Variants in SLIT2 observed in about 807,000 individuals in gnomAD.
The protein encoded by SLIT2 is slit guidance ligand 2.
Under a neutral mutation model 185.7 loss-of-function variants are expected in SLIT2, and 41 were observed. That is an observed-to-expected ratio of 0.22 (90% CI 0.17 to 0.29). The LOEUF (loss-of-function observed/expected upper bound fraction) is 0.29, where lower values mean the gene tolerates loss of function less well. Among genes scored for constraint, SLIT2 ranks in the 10% least tolerant of loss-of-function variants. SLIT2 has a pLI of 1.00. For synonymous variants in SLIT2, 693 were observed against 680.2 expected, an observed-to-expected ratio of 1.02 and a Z score of -0.29; for missense variants, 1,571 against 1,909.0, an observed-to-expected ratio of 0.82 and a Z score of 3.30.
intron 3 of SLIT2, among the ~76,000 whole-genome samples, chr4:20,259,913 A>C (rs756089096): frequency 6.6e-6 from 1 of 151,796 alleles, no homozygotes; most frequent in South Asian, 2.1e-4. Context: ...ACAACTGCCA[A>C]ATCCATCTGA....
At chr4:20,423,770 A>G (rs1198408494) in intron 4 of SLIT2, among the ~76,000 whole-genome samples, 3 of 152,160 alleles carry the variant, frequency 2.0e-5, no homozygotes, top group Non-Finnish European at 4.4e-5. Context: ...ATATGTTAAA[A>G]TTATCTTTAT....
At position 20,253,965 on chromosome 4, in the gene SLIT2, C is replaced by G. The variant is rs550290192; in HGVS notation, c.150C>G (p.Pro50=). ...DCHGLALRSV[P]RNIPRNTERL... is the part of the protein sequence containing the mutation. ...ACGGGCTGGCGCTGCGCAGCGTGCCCAGGAATATCCCCCGCAACACCGAGA... is the reference window on the plus strand; with the variant it reads ...ACGGGCTGGCGCTGCGCAGCGTGCCGAGGAATATCCCCCGCAACACCGAGA... The change falls in exon 1 of 37, where the codon CCC becomes CCG. Residue 50 remains proline, a synonymous_variant. Coordinates refer to ENST00000504154, the MANE Select transcript of SLIT2 (RefSeq NM_004787.4). 2 of 1,603,094 alleles carry G rather than the reference C, an allele frequency of 1.2e-6. No individual in the cohort carries two copies. The highest frequency in any genetic ancestry group is 3.3e-4 in the Middle Eastern group (2 of 6,056).
chr4:20,287,562 G>A (rs902295257), intron 4 of SLIT2, among the ~76,000 whole-genome samples: 1 of 152,234 alleles, frequency 6.6e-6, no homozygotes. Context: ...CTTTTTTGTT[G>A]ATGGAAAGAC....
At chr4:20,423,935 G>A (rs573391262) in intron 4 of SLIT2, among the ~76,000 whole-genome samples, 1 of 152,094 alleles carries the variant, frequency 6.6e-6, no homozygotes, top group South Asian at 2.1e-4. Flanking sequence ...CTTGATATAC[G>A]AATTTCATAT....
intron 4 of SLIT2, among the ~76,000 whole-genome samples, chr4:20,421,447 A>G (rs541201630): frequency 2.3e-4 from 35 of 152,252 alleles, no homozygotes; most frequent in Non-Finnish European, 4.4e-4. Context: ...TCTCTTCTTC[A>G]TTGTTGATTT....
At chr4:20,281,381 T>C (rs932031635) in intron 4 of SLIT2, among the ~76,000 whole-genome samples, 2 of 152,236 alleles carry the variant, frequency 1.3e-5, no homozygotes, top group African/African-American at 4.8e-5. Context: ...TAATTTTTTT[T>C]GTAATAGGTT....
rs185071386 is a variant in SLIT2 at position 20,504,084 on chromosome 4, G to A, written c.915-6411G>A. On this transcript the variant is annotated intron_variant, in intron 9 of 36. Coordinates refer to ENST00000504154, the MANE Select transcript of SLIT2 (RefSeq NM_004787.4). ...AAAGATTTTAATGACATGATTTACT[G>A]CTAAAGTTGGAAGTAGCATTCCAAA... 6.5e-4 allele frequency among the ~76,000 whole-genome samples: 99 copies of A among 152,210 alleles called. 1 individual carries two copies. The highest frequency in any genetic ancestry group is 1.5e-4 in the Non-Finnish European group (10 of 68,006).
rs1210048670 is a variant in SLIT2 at position 20,472,540 on chromosome 4, CTATATCTA to C, written c.467+4723_467+4730del. 7.4e-4 allele frequency among the ~76,000 whole-genome samples: 7 copies of C among 9,494 alleles called. 3 individuals carry two copies. Among genetic ancestry groups the C allele is most frequent in the African/African-American group, 1.3e-3 (2 of 1,492 alleles). 6.2% of individuals were successfully genotyped at this position (9,494 alleles called of 152,430 possible). A position where few individuals can be genotyped will look rare whatever the true frequency, so the allele number is the denominator to read the frequency against. ...GATATATATCTATATATAGATATAT[CTATATCTA>C]TATATAGATATATATCTATATATAG... On this transcript the variant is annotated intron_variant, in intron 5 of 36. Transcript: ENST00000504154.
At chr4:20,472,850 A>T (rs550774629) in intron 5 of SLIT2, among the ~76,000 whole-genome samples, 1 of 151,116 alleles carries the variant, frequency 6.6e-6, no homozygotes. Flanking sequence ...AACTAATAGT[A>T]CTTAGTAAGT....
intron 4 of SLIT2, among the ~76,000 whole-genome samples, chr4:20,390,760 T>A (rs1399888650): frequency 2.6e-5 from 2 of 76,264 alleles, no homozygotes; most frequent in African/African-American, 6.9e-5. Context: ...AAAGATCTTA[T>A]TTTTTTTTTT....
intron 11 of SLIT2, among the ~76,000 whole-genome samples, chr4:20,512,742 C>G (rs1161873463): frequency 1.3e-5 from 2 of 152,090 alleles, no homozygotes; most frequent in African/African-American, 4.8e-5. Context: ...TCCTGATTCT[C>G]CACAATTTTG....
At chr4:20,551,007 G>C in intron 25 of SLIT2, 109 bp downstream of exon 25, 1 of 559,968 alleles carries the variant, frequency 1.8e-6, no homozygotes, top group African/African-American at 1.9e-5. Flanking sequence ...GATGTAATTG[G>C]TTTCATCTTT....
At chr4:20,412,180 A>G (rs1420477503) in intron 4 of SLIT2, among the ~76,000 whole-genome samples, 3 of 151,786 alleles carry the variant, frequency 2.0e-5, no homozygotes, top group Non-Finnish European at 4.4e-5. Context: ...GGTCAAAAAG[A>G]TGGTCATTTT....
At chr4:20,479,891 T>C (rs1716515720) in intron 5 of SLIT2, among the ~76,000 whole-genome samples, 1 of 152,190 alleles carries the variant, frequency 6.6e-6, no homozygotes, top group South Asian at 2.1e-4. Context: ...TTACCATAGA[T>C]ACATGTAGTG....
rs140931186 is a variant in SLIT2 at position 20,568,553 on chromosome 4, G to C, written c.2949-312G>C. 8.0e-3 allele frequency among the ~76,000 whole-genome samples: 1,221 copies of C among 152,092 alleles called. 17 individuals are homozygous for C. Among genetic ancestry groups the C allele is most frequent in the African/African-American group, 0.028 (1,157 of 41,526 alleles). ...GCACAACTCAAGATTAAGATATCTA[G>C]GGCTGTGGAATAAAACTGCTTGTGT... On this transcript the variant is annotated intron_variant, in intron 28 of 36. Coordinates refer to ENST00000504154, the MANE Select transcript of SLIT2 (RefSeq NM_004787.4).
chr4:20,420,248 T>G (rs1163804224), intron 4 of SLIT2, among the ~76,000 whole-genome samples: 1 of 152,166 alleles, frequency 6.6e-6, no homozygotes, highest in East Asian at 1.9e-4. Flanking sequence ...TGTGAGTACA[T>G]GACTGACCCA....
At chr4:20,267,449 G>A (rs1713151603) in intron 3 of SLIT2, among the ~76,000 whole-genome samples, 1 of 151,918 alleles carries the variant, frequency 6.6e-6, no homozygotes, top group East Asian at 1.9e-4. Context: ...TTCACATAAA[G>A]TTATGGTGCC....
chr4:20,498,638 G>A (rs931119810), intron 9 of SLIT2, among the ~76,000 whole-genome samples: 2 of 152,146 alleles, frequency 1.3e-5, no homozygotes, highest in East Asian at 3.9e-4. Context: ...AAGAATGTAA[G>A]TTATAACAAT....
chr4:20,590,235 A>T (rs1346705120), intron 30 of SLIT2, among the ~76,000 whole-genome samples: 1 of 152,154 alleles, frequency 6.6e-6, no homozygotes, highest in Admixed American at 6.5e-5. Context: ...ACTAAAGAAA[A>T]ATGAAAAAGT....
Sources: gnomAD v4.1 joint callset for allele counts (sites outside exome capture counted in the v4.1 genomes callset) on GRCh38, gnomAD v4.1.1 for gene constraint, MANE v1.5 for transcripts, NCBI Gene and HGNC (gene_info 2026-07-23, HGNC 2026-07-21) for gene names.